PAN2: variants seen among roughly 807,000 people sequenced by gnomAD.
The protein encoded by PAN2 is poly(A) specific ribonuclease subunit PAN2, also known as PAN2-PAN3 deadenylation complex catalytic subunit PAN2.
A neutral mutation model predicts 133.3 loss-of-function variants in PAN2; 68 were observed. That is an observed-to-expected ratio of 0.51 (90% CI 0.42 to 0.62). PAN2 has a LOEUF of 0.62. PAN2 is among the 20% of genes least tolerant of loss of function. The pLI, the probability that PAN2 is intolerant of heterozygous loss-of-function variation, is 0.00. For synonymous variants in PAN2, 462 were observed against 544.6 expected (o/e 0.85, Z 2.11); for missense variants, 1,042 against 1,500.5 (o/e 0.69, Z 5.05).
Position 56,317,418 on chromosome 12 carries a change from T to C in PAN2, c.*191A>G. ...TTGCAAAGAATGAAGAAGGAATGAA[T>C]CTGGCTCCTAGAACCTTTGCAACAA... On this transcript the variant is annotated 3_prime_UTR_variant, in exon 26 of 26. Transcript: ENST00000440411. The C allele has an allele frequency of 1.6e-6, 1 of 609,118 alleles. No homozygotes were observed. Among genetic ancestry groups the C allele is most frequent in the Middle Eastern group, 4.4e-4 (1 of 2,254 alleles). The allele number at this position is 609,118 out of a possible 1,614,324, so 37.7% of individuals were successfully genotyped here. A position where few individuals can be genotyped will look rare whatever the true frequency, so the allele number is the denominator to read the frequency against.
chr12:56,323,615 A>C lies in PAN2; in HGVS notation c.2173-17T>G, dbSNP rs1874799590. 1 of 1,606,732 alleles carries C rather than the reference A, an allele frequency of 6.2e-7. No homozygotes were observed. The highest frequency in any genetic ancestry group is 8.5e-7 in the Non-Finnish European group (1 of 1,173,348). ...GGTCTGAATCTGAGAGGAAGAAACA[A>C]ACAAGGAATGGCAGGGAATGTACAG... On this transcript the variant is annotated splice_polypyrimidine_tract_variant and intron_variant, in intron 14 of 25. Transcript: ENST00000440411.
intron 2 of PAN2, among the ~76,000 whole-genome samples, chr12:56,330,648 C>T (rs994366183): frequency 2.6e-5 from 4 of 151,846 alleles, no homozygotes; most frequent in Non-Finnish European, 5.9e-5. Context: ...CGTGAGCCAC[C>T]GCGCCCGGCC....
At chr12:56,327,058 G>A in intron 6 of PAN2, 99 bp from the exon 7 acceptor site, 1 of 1,038,422 alleles carries the variant, frequency 9.6e-7, no homozygotes, top group South Asian at 1.6e-5. Context: ...GGACAAGATG[G>A]GCCCCAAATC....
chr12:56,321,116 G>A (rs1006528680), intron 20 of PAN2, among the ~76,000 whole-genome samples: 3 of 151,178 alleles, frequency 2.0e-5, no homozygotes, highest in Admixed American at 1.3e-4. Flanking sequence ...GAGTACACTG[G>A]TGCAATCATG....
At chr12:56,330,352 T>C (rs1226637726) in intron 2 of PAN2, among the ~76,000 whole-genome samples, 2 of 112,580 alleles carry the variant, frequency 1.8e-5, no homozygotes, top group African/African-American at 2.8e-5. Flanking sequence ...ACTGTATTTT[T>C]CTTTTTTTTT....
At chr12:56,320,776 G>A (rs1345538475) in intron 20 of PAN2, among the ~76,000 whole-genome samples, 2 of 142,136 alleles carry the variant, frequency 1.4e-5, no homozygotes, top group African/African-American at 5.3e-5. Flanking sequence ...TTTAAGACAG[G>A]GTCTCAGGCT....
At chr12:56,321,861 A>G (rs34483615) in intron 20 of PAN2, among the ~76,000 whole-genome samples, 2,540 of 152,158 alleles carry the variant, frequency 0.017, 31 homozygotes, top group Middle Eastern at 0.027. Context: ...AAAAAAAAAA[A>G]AAAAATTTTT....
intron 9 of PAN2, 64 bp downstream of exon 9, chr12:56,325,271 T>C: frequency 6.2e-7 from 1 of 1,603,532 alleles, no homozygotes; most frequent in Non-Finnish European, 8.5e-7. Flanking sequence ...CAATCCTTTC[T>C]CATATGACTT....
chr12:56,322,296 G>C (rs1874643484), intron 19 of PAN2, 127 bp downstream of exon 19: 2 of 1,050,714 alleles, frequency 1.9e-6, no homozygotes, highest in East Asian at 4.8e-5. Context: ...AAGTGCTAAT[G>C]GTTTTTATTC....
rs1404316349 is a variant in PAN2 at position 56,317,355 on chromosome 12, T to C, written c.*254A>G. The C allele has an allele frequency of 1.9e-6, 1 of 525,172 alleles. No individual in the cohort carries two copies. The highest frequency in any genetic ancestry group is 3.4e-6 in the Non-Finnish European group (1 of 293,572). 32.5% of individuals were successfully genotyped at this position (525,172 alleles called of 1,614,324 possible). The stretch of plus-strand genomic sequence containing the variant: ...TATTAAGAATACCAATTACTTTCCA[T>C]CTGGGTCAATTCTAGACTCCATGTC... On this transcript the variant is annotated 3_prime_UTR_variant, in exon 26 of 26. Transcript: ENST00000440411.
Position 56,323,137 on chromosome 12 carries a change from A to C in PAN2, c.2418T>G (p.Pro806=), listed in dbSNP as rs753957045. ...SIEELKNVWL[P]FSIRMKMTKN... is the part of the protein sequence containing the mutation. ...TGGTCATCTTCATGCGAATGGAGAA[A>C]GGAAGCCAGACGTTCTTCAACTCCT... Residue 806 remains proline (P), a synonymous_variant, in exon 17 of 26, where the codon CCT becomes CCG. Coordinates refer to ENST00000440411, the MANE Select transcript of PAN2 (RefSeq NM_014871.6). 6.2e-7 allele frequency: 1 copy of C among 1,614,202 alleles called. No homozygotes were observed. The highest frequency in any genetic ancestry group is 1.7e-5 in the Admixed American group (1 of 60,022).
intron 5 of PAN2, 149 bp downstream of exon 5, chr12:56,327,846 G>A (rs951720808): frequency 1.9e-5 from 27 of 1,406,414 alleles, no homozygotes; most frequent in Non-Finnish European, 2.5e-5. Flanking sequence ...TAATCTCATA[G>A]TAGAACATCA....
chr12:56,327,233 TA>T, intron 6 of PAN2, 130 bp downstream of exon 6: 1 of 1,022,476 alleles, frequency 9.8e-7, no homozygotes, highest in Non-Finnish European at 1.5e-6. Context: ...CAAACCCAAG[TA>T]AAACCTTGGG....
Position 56,323,306 on chromosome 12 carries a change from C to T in PAN2, c.2345+5G>A. ...TCCTTTGACAACTCCCAAGACAGCA[C>T]CTACCAATCAGCCAAAGCAAATTCC... On this transcript the variant is annotated splice_donor_5th_base_variant and intron_variant, in intron 16 of 25. Coordinates refer to ENST00000440411, the MANE Select transcript of PAN2 (RefSeq NM_014871.6). The T allele has an allele frequency of 6.2e-7, 1 of 1,614,096 alleles. No individual in the cohort carries two copies. Among genetic ancestry groups the T allele is most frequent in the Non-Finnish European group, 8.5e-7 (1 of 1,180,024 alleles).
At position 56,323,800 on chromosome 12, in the gene PAN2, C is replaced by T. The variant is rs772149746; in HGVS notation, c.2172+7G>A. The T allele has an allele frequency of 1.3e-6, 2 of 1,594,044 alleles. No individual in the cohort carries two copies. Among genetic ancestry groups the T allele is most frequent in the Non-Finnish European group, 1.7e-6 (2 of 1,161,958 alleles). ...AGGACTCTAGTCCAGTCCAACAGTC[C>T]ACTCACCGTGGGCTGGTACTTTTCA... On this transcript the variant is annotated splice_region_variant and intron_variant, in intron 14 of 25. Coordinates refer to ENST00000440411, the MANE Select transcript of PAN2 (RefSeq NM_014871.6).
intron 2 of PAN2, among the ~76,000 whole-genome samples, chr12:56,331,894 T>A (rs1875917670): frequency 6.6e-6 from 1 of 152,112 alleles, no homozygotes; most frequent in East Asian, 1.9e-4. Flanking sequence ...TTTGCATTTT[T>A]AGTAGAGACA....
chr12:56,326,331 G>A lies in PAN2; in HGVS notation c.1341C>T (p.Arg447=). 6.2e-7 allele frequency: 1 copy of A among 1,603,090 alleles called. No individual in the cohort carries two copies. Among genetic ancestry groups the A allele is most frequent in the South Asian group, 1.1e-5 (1 of 90,080 alleles). The part of the protein sequence containing the change: ...VGFIGYAPNP[R]TRLRNQIPYR... ...AACACACCTGATTGCGCAGCCTGGT[G>A]CGGGGATTGGGCGCATAGCCAATGA... Residue 447 remains arginine (R), a synonymous_variant, in exon 8 of 26, where the codon CGC becomes CGT. Transcript: ENST00000440411.
At chr12:56,327,203 T>C (rs1875220666) in intron 6 of PAN2, among the ~76,000 whole-genome samples, 161 bp downstream of exon 6, 4 of 152,158 alleles carry the variant, frequency 2.6e-5, no homozygotes, top group African/African-American at 4.8e-5. Context: ...TTCAAGAAAA[T>C]AAAAGCTCTA....
intron 12 of PAN2, 50 bp downstream of exon 12, chr12:56,324,244 C>G (rs763337813): frequency 6.2e-7 from 1 of 1,611,130 alleles, no homozygotes; most frequent in Non-Finnish European, 8.5e-7. Flanking sequence ...TTTTAAATCA[C>G]AGAGGGGCCT....
Sources: allele counts gnomAD v4.1 joint callset (sites outside exome capture counted in the v4.1 genomes callset), GRCh38; gene constraint gnomAD v4.1.1; transcripts MANE v1.5; gene names NCBI Gene and HGNC (gene_info 2026-07-23, HGNC 2026-07-21).